WDR20: variants seen among roughly 807,000 people sequenced by gnomAD.
WDR20 encodes WD repeat domain 20, also known as WD repeat-containing protein 20.
Under a neutral mutation model 38.7 loss-of-function variants are expected in WDR20, and 3 were observed. That is an observed-to-expected ratio of 0.08 (90% CI 0.04 to 0.20). The LOEUF (loss-of-function observed/expected upper bound fraction) is 0.20. WDR20 is among the 10% of genes least tolerant of loss of function. WDR20 has a pLI of 1.00. For synonymous variants in WDR20, 298 were observed against 285.6 expected, an observed-to-expected ratio of 1.04 and a Z score of -0.44; for missense variants, 559 against 727.7, an observed-to-expected ratio of 0.77 and a Z score of 2.67.
At chr14:102,172,541 C>T (rs1361163662) in intron 1 of WDR20, among the ~76,000 whole-genome samples, 3 of 135,632 alleles carry the variant, frequency 2.2e-5, no homozygotes, top group African/African-American at 5.8e-5. Flanking sequence ...GGGGGGCTGA[C>T]CCCCCACCTC....
chr14:102,177,024 C>T (rs904936672), intron 1 of WDR20, among the ~76,000 whole-genome samples: 1 of 152,126 alleles, frequency 6.6e-6, no homozygotes, highest in Non-Finnish European at 1.5e-5. Flanking sequence ...CACCGTGCCC[C>T]ACCTTGCAGT....
intron 1 of WDR20, among the ~76,000 whole-genome samples, chr14:102,145,207 A>G (rs1271384799): frequency 6.6e-6 from 1 of 152,208 alleles, no homozygotes; most frequent in East Asian, 1.9e-4. Flanking sequence ...GTCTGTCTAT[A>G]CCAAACTTGA....
chr14:102,163,574 G>C (rs1007663908), intron 1 of WDR20, among the ~76,000 whole-genome samples: 7 of 133,130 alleles, frequency 5.3e-5, no homozygotes, highest in Non-Finnish European at 1.1e-4. Context: ...GCTACAGTGA[G>C]CCAAGATTGC....
At position 102,208,638 on chromosome 14, in the gene WDR20, A is replaced by G. The variant is rs201008328; in HGVS notation, c.468A>G (p.Lys156=). The part of the protein sequence containing the change: ...LIDKSRVTCV[K]WVPGSESLFL... Reference sequence around the variant, plus strand: ...ACAAGTCACGAGTTACCTGTGTCAAATGGGTTCCCGGTTCGGAAAGCCTTT... The same window carrying G: ...ACAAGTCACGAGTTACCTGTGTCAAGTGGGTTCCCGGTTCGGAAAGCCTTT... The change falls in exon 3 of 3, where the codon AAA becomes AAG. Residue 156 remains lysine (K), a synonymous_variant. Transcript: ENST00000342702. This position sits in a 1 kb window ranked among gnomAD's most constrained non-coding sequence, Gnocchi z 5.6. 2.5e-6 allele frequency: 4 copies of G among 1,611,682 alleles called. No individual in the cohort carries two copies. Among genetic ancestry groups the G allele is most frequent in the East Asian group, 2.2e-5 (1 of 44,792 alleles).
downstream of WDR20, chr14:102,213,734 G>A: frequency 1.0e-6 from 1 of 985,396 alleles, no homozygotes; most frequent in South Asian, 4.7e-5. Context: ...TATGAAATGA[G>A]TGCTGAAGTT....
chr14:102,214,582 T>A (rs2062978311), downstream of WDR20: 4 of 985,316 alleles, frequency 4.1e-6, no homozygotes, highest in South Asian at 1.9e-4. Flanking sequence ...TGTAAAAAAT[T>A]TCCTGCATTT....
intron 1 of WDR20, among the ~76,000 whole-genome samples, chr14:102,154,372 C>T (rs1045355838): frequency 6.6e-6 from 1 of 152,214 alleles, no homozygotes; most frequent in South Asian, 2.1e-4. Flanking sequence ...TCACTGTGTC[C>T]TCACATGGTG....
chr14:102,178,238 A>C (rs1427247494), intron 1 of WDR20, among the ~76,000 whole-genome samples: 1 of 151,982 alleles, frequency 6.6e-6, no homozygotes, highest in African/African-American at 2.4e-5. Flanking sequence ...CCAAAAATAT[A>C]AAAATCAGCC....
intron 1 of WDR20, among the ~76,000 whole-genome samples, chr14:102,186,358 A>G (rs993663488): frequency 3.3e-5 from 5 of 152,194 alleles, no homozygotes; most frequent in Admixed American, 6.5e-5. Flanking sequence ...TCGCCTACAC[A>G]TGAAGTGTGG....
intron 1 of WDR20, among the ~76,000 whole-genome samples, chr14:102,182,620 C>G (rs2063612798): frequency 1.3e-5 from 2 of 152,018 alleles, no homozygotes; most frequent in African/African-American, 4.8e-5. Context: ...GACCCTAATA[C>G]CAAGCAATGA....
intron 1 of WDR20, among the ~76,000 whole-genome samples, chr14:102,153,201 T>A (rs1238587651): frequency 1.3e-5 from 2 of 152,166 alleles, no homozygotes; most frequent in Non-Finnish European, 2.9e-5. Flanking sequence ...CCCCTTCACC[T>A]TCTGCCATGA....
At chr14:102,195,156 T>G in intron 2 of WDR20, 36 bp downstream of exon 2, 2 of 1,601,390 alleles carry the variant, frequency 1.2e-6, no homozygotes, top group East Asian at 4.5e-5. Flanking sequence ...TAAGAATCCC[T>G]TTAAGAGTTG....
At chr14:102,147,229 TA>T (rs1452602462) in intron 1 of WDR20, among the ~76,000 whole-genome samples, 1 of 152,182 alleles carries the variant, frequency 6.6e-6, no homozygotes, top group Non-Finnish European at 1.5e-5. Flanking sequence ...ACCACATCTC[TA>T]CTAAAAATAC....
downstream of WDR20, chr14:102,214,414 T>G (rs2062953949): frequency 1.0e-6 from 1 of 985,366 alleles, no homozygotes; most frequent in Non-Finnish European, 1.2e-6. Flanking sequence ...AGCACTCGTA[T>G]GCAACTGTTA....
downstream of WDR20, chr14:102,214,261 G>T: frequency 1.0e-6 from 1 of 985,608 alleles, no homozygotes; most frequent in Non-Finnish European, 1.2e-6. Flanking sequence ...CTTGTCTGGA[G>T]CACACCCTTC....
At chr14:102,176,816 C>T (rs2062221849) in intron 1 of WDR20, among the ~76,000 whole-genome samples, 1 of 152,004 alleles carries the variant, frequency 6.6e-6, no homozygotes, top group Admixed American at 6.5e-5. Context: ...TTATTGCAAG[C>T]TCCGCCTCCC....
rs999966785 is a variant in WDR20, at chr14:102,220,593, G to C, written c.1693-2237G>C. Among the ~76,000 whole-genome samples the C allele has an allele frequency of 1.3e-5, 2 of 151,888 alleles. 1 individual carries two copies. Among genetic ancestry groups the C allele is most frequent in the South Asian group, 4.2e-4 (2 of 4,804 alleles). On this transcript the variant is annotated intron_variant, in intron 3 of 3. Coordinates refer to the WDR20 transcript ENST00000335263. The surrounding 1 kb of genome is among the most constrained non-coding windows in gnomAD (Gnocchi z 4.2). The stretch of plus-strand genomic sequence containing the variant: ...AAGTTAGCTGGGCGTGGTGGCAGGC[G>C]CCTGTAGTCCAAGGTACTTGGGAGG...
intron 1 of WDR20, among the ~76,000 whole-genome samples, chr14:102,175,370 G>T (rs2061829137): frequency 6.6e-6 from 1 of 152,008 alleles, no homozygotes; most frequent in Non-Finnish European, 1.5e-5. Flanking sequence ...AAGTATTTGG[G>T]TTTATTTCTG....
downstream of WDR20, chr14:102,212,506 C>T (rs377076735): frequency 1.3e-6 from 2 of 1,535,886 alleles, no homozygotes; most frequent in Non-Finnish European, 1.7e-6. Context: ...GACTGCTGCC[C>T]CTTTCTTTGA....
Sources: gnomAD v4.1 joint callset for allele counts (sites outside exome capture counted in the v4.1 genomes callset) on GRCh38, gnomAD v4.1.1 for gene constraint, Gnocchi (gnomAD v3.1) non-coding constraint, MANE v1.5 for transcripts, NCBI Gene and HGNC (gene_info 2026-07-23, HGNC 2026-07-21) for gene names.